NEK10: variants seen among roughly 807,000 people sequenced by gnomAD.
NEK10 encodes the protein NIMA related kinase 10, also known as serine/threonine-protein kinase Nek10.
Under a neutral mutation model 159.8 loss-of-function variants are expected in NEK10, and 122 were observed. That is an observed-to-expected ratio of 0.76 (90% CI 0.66 to 0.89). NEK10 has a LOEUF of 0.89. Ranked by LOEUF, NEK10 falls within the 40% of genes least tolerant of loss-of-function variation. NEK10 has a pLI of 0.00. For synonymous variants in NEK10, 466 were observed against 457.1 expected (o/e 1.02, Z -0.25); for missense variants, 1,342 against 1,323.1 (o/e 1.01, Z -0.22).
intron 29 of NEK10, among the ~76,000 whole-genome samples, chr3:27,167,130 G>A (rs1195326345): frequency 2.0e-5 from 3 of 151,946 alleles, no homozygotes; most frequent in East Asian, 1.9e-4. Flanking sequence ...GCAAGCAGAC[G>A]TGGAGAAATC....
At chr3:27,226,681 A>G (rs1281912062) in intron 23 of NEK10, among the ~76,000 whole-genome samples, 9 of 152,216 alleles carry the variant, frequency 5.9e-5, no homozygotes, top group Non-Finnish European at 2.9e-5. Flanking sequence ...TAAATCTTAA[A>G]AGAAAACATT....
chr3:27,117,268 A>T (rs902991777), intron 33 of NEK10, among the ~76,000 whole-genome samples: 3 of 152,230 alleles, frequency 2.0e-5, no homozygotes, highest in African/African-American at 7.2e-5. Flanking sequence ...CACTATTGTG[A>T]ATAGTATAGC....
At chr3:27,189,466 C>G (rs1948923766) in intron 26 of NEK10, among the ~76,000 whole-genome samples, 1 of 151,884 alleles carries the variant, frequency 6.6e-6, no homozygotes, top group African/African-American at 2.4e-5. Context: ...TTTCTCTTTC[C>G]CTTGACTATA....
At chr3:27,286,545 C>A (rs1473216021) in intron 20 of NEK10, among the ~76,000 whole-genome samples, 1 of 65,046 alleles carries the variant, frequency 1.5e-5, no homozygotes, top group African/African-American at 8.9e-5. Context: ...CCACGCCCAG[C>A]TTTTTTTTTT....
chr3:27,337,090 A>G (rs1431288761), intron 5 of NEK10, among the ~76,000 whole-genome samples: 1 of 152,140 alleles, frequency 6.6e-6, no homozygotes, highest in Non-Finnish European at 1.5e-5. Context: ...TAGAAAAACC[A>G]AAGACTCAGG....
chr3:27,341,618 T>C (rs529211996), intron 5 of NEK10, among the ~76,000 whole-genome samples: 1 of 152,292 alleles, frequency 6.6e-6, no homozygotes, highest in Admixed American at 6.5e-5. Context: ...GTATTTGCAG[T>C]GTTACCTTAT....
intron 31 of NEK10, among the ~76,000 whole-genome samples, chr3:27,135,040 C>A (rs180847801): frequency 6.6e-6 from 1 of 152,150 alleles, no homozygotes; most frequent in Non-Finnish European, 1.5e-5. Flanking sequence ...AGAATACTTT[C>A]TGAGCAGCGT....
At chr3:27,346,014 GA>G in intron 4 of NEK10, 71 bp downstream of exon 4, 1 of 1,456,240 alleles carries the variant, frequency 6.9e-7, no homozygotes, top group East Asian at 2.3e-5. Context: ...TAGCTCCTGG[GA>G]TAAACTTAAA....
chr3:27,273,254 C>T (rs550811315), intron 22 of NEK10, among the ~76,000 whole-genome samples: 15 of 152,258 alleles, frequency 9.9e-5, no homozygotes, highest in African/African-American at 3.4e-4. Context: ...AAAATGTCCC[C>T]TCCAACAAAC....
At position 27,352,324 on chromosome 3, in the gene NEK10, C is replaced by T. The variant is rs1438202478; in HGVS notation, c.132+141G>A. On this transcript the variant is annotated intron_variant, in intron 3 of 35. Transcript: ENST00000691995. Reference sequence around the variant, plus strand: ...AAGCCTGAACCAGGTGTCAGAGAAACAGCCAGATGAAGAAAGAGCAAAGAT... The same window carrying T: ...AAGCCTGAACCAGGTGTCAGAGAAATAGCCAGATGAAGAAAGAGCAAAGAT... 2.3e-5 allele frequency: 15 copies of T among 661,940 alleles called. No homozygotes were observed. In the South Asian group the frequency reaches 2.8e-4, roughly 12 times the overall value. The allele number at this position is 661,940 out of a possible 1,614,324, so 41.0% of individuals were successfully genotyped here. A position where few individuals can be genotyped will look rare whatever the true frequency, so the allele number is the denominator to read the frequency against.
At chr3:27,170,355 T>C (rs950965474) in intron 29 of NEK10, among the ~76,000 whole-genome samples, 7 of 152,272 alleles carry the variant, frequency 4.6e-5, no homozygotes, top group South Asian at 2.1e-4. Flanking sequence ...CATCTCAACA[T>C]TGGCTGCTCC....
chr3:27,150,091 G>A (rs1473500523), intron 30 of NEK10, among the ~76,000 whole-genome samples: 2 of 152,214 alleles, frequency 1.3e-5, no homozygotes, highest in African/African-American at 4.8e-5. Context: ...TGAGAGAGGT[G>A]AGAGAGCTGC....
chr3:27,252,998 T>G (rs1955816497), intron 23 of NEK10: 1 of 414,070 alleles, frequency 2.4e-6, no homozygotes, highest in African/African-American at 2.1e-5. Flanking sequence ...TCTATCAACT[T>G]TATGTATCAA....
chr3:27,293,172 G>C (rs189327578), intron 16 of NEK10, among the ~76,000 whole-genome samples: 1 of 152,166 alleles, frequency 6.6e-6, no homozygotes, highest in Non-Finnish European at 1.5e-5. Context: ...CAAAAAAACA[G>C]TTTGTTTTCC....
intron 15 of NEK10, among the ~76,000 whole-genome samples, chr3:27,294,024 C>T (rs997975821): frequency 3.3e-5 from 5 of 152,122 alleles, no homozygotes; most frequent in Admixed American, 1.3e-4. Flanking sequence ...CTATGTATAC[C>T]TCAATATTTA....
intron 5 of NEK10, among the ~76,000 whole-genome samples, chr3:27,343,491 G>A (rs1228368998): frequency 1.3e-5 from 2 of 152,262 alleles, no homozygotes; most frequent in African/African-American, 4.8e-5. Flanking sequence ...AAGTGACAAG[G>A]AAGATTTAAG....
chr3:27,326,384 C>T (rs1166363946), intron 5 of NEK10, among the ~76,000 whole-genome samples: 2 of 152,122 alleles, frequency 1.3e-5, no homozygotes, highest in Non-Finnish European at 2.9e-5. Flanking sequence ...AATTACTTTT[C>T]ATTATTTAAA....
At chr3:27,267,534 T>C (rs1221295824) in intron 22 of NEK10, among the ~76,000 whole-genome samples, 2 of 152,228 alleles carry the variant, frequency 1.3e-5, no homozygotes, top group Non-Finnish European at 1.5e-5. Context: ...TTATTATTAT[T>C]ATATCTGTTA....
intron 29 of NEK10, among the ~76,000 whole-genome samples, chr3:27,167,971 T>G (rs1057056465): frequency 6.6e-6 from 1 of 152,254 alleles, no homozygotes; most frequent in East Asian, 1.9e-4. Flanking sequence ...TATTAGGGAG[T>G]TACGTTAGTT....
Sources: allele counts gnomAD v4.1 joint callset (sites outside exome capture counted in the v4.1 genomes callset), GRCh38; gene constraint gnomAD v4.1.1; transcripts MANE v1.5; gene names NCBI Gene and HGNC (gene_info 2026-07-23, HGNC 2026-07-21).